Variants in PKN2 observed in about 807,000 individuals in gnomAD.
PKN2 encodes the protein protein kinase N2.
A neutral mutation model predicts 119.1 loss-of-function variants in PKN2; 38 were observed. The observed-to-expected ratio is 0.32, with a 90% CI of 0.25 to 0.42. The LOEUF (loss-of-function observed/expected upper bound fraction) is 0.42, where lower values mean the gene tolerates loss of function less well. PKN2 is among the 10% of genes least tolerant of loss of function. PKN2 has a pLI of 1.00. For missense variants in PKN2, 850 were observed against 1,165.1 expected (o/e 0.73, Z 3.94); for synonymous variants, 390 against 384.9 (o/e 1.01, Z -0.15).
At chr1:88,710,317 A>C (rs932712470) in intron 1 of PKN2, among the ~76,000 whole-genome samples, 6 of 152,052 alleles carry the variant, frequency 3.9e-5, no homozygotes, top group Non-Finnish European at 7.4e-5. Flanking sequence ...AAAAGAGAAA[A>C]ATTTTCCAGG....
chr1:88,832,592 G>T, intron 19 of PKN2, 152 bp from the exon 20 acceptor site: 2 of 539,650 alleles, frequency 3.7e-6, no homozygotes, highest in Non-Finnish European at 6.6e-6. Context: ...TTGTTGTTTT[G>T]GTAGGCATGG....
chr1:88,728,779 G>A (rs1477695606), intron 1 of PKN2, among the ~76,000 whole-genome samples: 1 of 151,828 alleles, frequency 6.6e-6, no homozygotes, highest in East Asian at 1.9e-4. Flanking sequence ...TCTGTGTTTT[G>A]ATAGATTCAA....
intron 16 of PKN2, among the ~76,000 whole-genome samples, chr1:88,821,174 C>T (rs906259377): frequency 6.6e-6 from 1 of 152,184 alleles, no homozygotes; most frequent in Admixed American, 6.5e-5. Flanking sequence ...GTTCTTCCCA[C>T]TTCCTTATCC....
Position 88,805,583 on chromosome 1 carries a change from C to T in PKN2, c.1588C>T (p.His530Tyr). The T allele has an allele frequency of 1.2e-6, 2 of 1,613,978 alleles. No individual in the cohort carries two copies. The highest frequency in any genetic ancestry group is 2.2e-5 in the South Asian group (2 of 91,070). ...LVRRAIPTVN[H>Y]SGTFSPQAPV... Reference sequence around the variant, plus strand: ...AAGAAGAGCTATTCCTACAGTAAATCATTCTGGCACCTTCAGCCCTCAAGC... The same window carrying T: ...AAGAAGAGCTATTCCTACAGTAAATTATTCTGGCACCTTCAGCCCTCAAGC... The change falls in exon 11 of 22, where the codon CAT (histidine) becomes TAT (tyrosine). Residue 530 changes from histidine (H) to tyrosine (Y), a missense_variant. His to Tyr is a moderately conservative substitution (Grantham distance 83). Transcript: ENST00000370521.
intron 6 of PKN2, among the ~76,000 whole-genome samples, chr1:88,777,840 A>T (rs1670165838): frequency 6.6e-6 from 1 of 152,160 alleles, no homozygotes; most frequent in Non-Finnish European, 1.5e-5. Flanking sequence ...CAGAGACCTT[A>T]AGACTGACTG....
intron 1 of PKN2, among the ~76,000 whole-genome samples, chr1:88,727,850 T>A (rs190575790): frequency 6.6e-6 from 1 of 152,320 alleles, no homozygotes; most frequent in East Asian, 1.9e-4. Context: ...CACCTACTCT[T>A]GCCAGATGGG....
At chr1:88,701,333 A>T (rs1312794546) in intron 1 of PKN2, among the ~76,000 whole-genome samples, 1 of 152,090 alleles carries the variant, frequency 6.6e-6, no homozygotes, top group Non-Finnish European at 1.5e-5. Context: ...AATCCCAGCT[A>T]CTCGGGATTG....
intron 1 of PKN2, among the ~76,000 whole-genome samples, chr1:88,727,006 C>T (rs1165305640): frequency 1.3e-5 from 2 of 152,006 alleles, no homozygotes; most frequent in African/African-American, 4.8e-5. Flanking sequence ...TCTATTACTA[C>T]TTCTATCTGT....
intron 1 of PKN2, among the ~76,000 whole-genome samples, chr1:88,703,785 G>A (rs896458695): frequency 2.4e-4 from 36 of 152,136 alleles, no homozygotes; most frequent in African/African-American, 8.7e-4. Flanking sequence ...TCATTTTACA[G>A]GTTAGAAAAA....
At chr1:88,823,044 T>C (rs1268734792) in intron 17 of PKN2, among the ~76,000 whole-genome samples, 1 of 152,012 alleles carries the variant, frequency 6.6e-6, no homozygotes, top group African/African-American at 2.4e-5. Context: ...CATAGTGATA[T>C]TCTGTCTCTA....
intron 1 of PKN2, among the ~76,000 whole-genome samples, chr1:88,726,413 A>C (rs560716259): frequency 6.6e-6 from 1 of 152,100 alleles, no homozygotes; most frequent in Non-Finnish European, 1.5e-5. Context: ...ATTTTTCTGC[A>C]TAAGTTGGCG....
At chr1:88,712,880 C>G (rs1020047258) in intron 1 of PKN2, among the ~76,000 whole-genome samples, 1 of 152,000 alleles carries the variant, frequency 6.6e-6, no homozygotes, top group East Asian at 1.9e-4. Context: ...CACCCATTAA[C>G]TCATCATTTA....
rs1430132326 is a variant in PKN2 at position 88,833,236 on chromosome 1, A to G, written c.2752-9A>G. ...AACTAAACTAGTCATTTTTTATTTT[A>G]TGATCCAGCTAATTGATTGGAGCGC... is the stretch of plus-strand genomic sequence containing the variant. On this transcript the variant is annotated splice_polypyrimidine_tract_variant and intron_variant, in intron 21 of 21. Transcript: ENST00000370521. 3.1e-6 allele frequency: 5 copies of G among 1,611,568 alleles called. No individual in the cohort carries two copies. The highest frequency in any genetic ancestry group is 3.4e-6 in the Non-Finnish European group (4 of 1,178,918).
chr1:88,694,135 A>G (rs1666436265), intron 1 of PKN2, among the ~76,000 whole-genome samples: 1 of 152,212 alleles, frequency 6.6e-6, no homozygotes, highest in Admixed American at 6.5e-5. Flanking sequence ...ACACATCATC[A>G]TCATCCAGAG....
At chr1:88,710,966 C>T (rs1667205558) in intron 1 of PKN2, among the ~76,000 whole-genome samples, 1 of 152,226 alleles carries the variant, frequency 6.6e-6, no homozygotes, top group South Asian at 2.1e-4. Flanking sequence ...TACTATGCAG[C>T]CATAAGAAAG....
At chr1:88,815,999 G>C (rs548709856) in intron 16 of PKN2, among the ~76,000 whole-genome samples, 1 of 151,938 alleles carries the variant, frequency 6.6e-6, no homozygotes, top group East Asian at 2.0e-4. Flanking sequence ...AATTAGCTGG[G>C]CATGGTGGCA....
At chr1:88,769,007 TGAACTCATA>T (rs891449121) in intron 3 of PKN2, among the ~76,000 whole-genome samples, 3 of 149,424 alleles carry the variant, frequency 2.0e-5, no homozygotes, top group Non-Finnish European at 3.0e-5. Flanking sequence ...ACAACCAGCG[TGAACTCATA>T]GAATGAGAAC....
chr1:88,734,237 C>T (rs1243470066), intron 1 of PKN2, among the ~76,000 whole-genome samples: 1 of 151,816 alleles, frequency 6.6e-6, no homozygotes, highest in East Asian at 1.9e-4. Context: ...TTTTGTTGCC[C>T]ATGCTTTTCA....
intron 1 of PKN2, among the ~76,000 whole-genome samples, chr1:88,730,381 A>G (rs1039755443): frequency 1.3e-5 from 2 of 152,198 alleles, no homozygotes; most frequent in Non-Finnish European, 2.9e-5. Flanking sequence ...TAAGGCCATC[A>G]GGGACCCAGG....
Sources: gnomAD v4.1 joint callset for allele counts (sites outside exome capture counted in the v4.1 genomes callset) on GRCh38, gnomAD v4.1.1 for gene constraint, MANE v1.5 for transcripts, NCBI Gene and HGNC (gene_info 2026-07-23, HGNC 2026-07-21) for gene names.